DOK3: variants seen among roughly 807,000 people sequenced by gnomAD.
The protein encoded by DOK3 is Dok-like protein.
DOK3 carries 23 observed loss-of-function variants against 26.2 expected under a neutral mutation model. The ratio of observed to expected loss-of-function variants is 0.88; its 90% CI spans 0.63 to 1.24. DOK3 has a LOEUF of 1.24. Ranked by LOEUF, DOK3 falls within the 50% of genes most tolerant of loss-of-function variation. The pLI is 0.00. For missense variants in DOK3, 619 were observed against 610.6 expected, an observed-to-expected ratio of 1.01 and a Z score of -0.15; for synonymous variants, 268 against 268.2, an observed-to-expected ratio of 1.00 and a Z score of 0.01.
In DOK3 at chr5:177,502,826, T is replaced by C. The variant is rs1759482484; in HGVS notation, c.*1157A>G. 7.4e-6 allele frequency: 4 copies of C among 541,534 alleles called. No homozygotes were observed. The highest frequency in any genetic ancestry group is 3.3e-5 in the Admixed American group (1 of 30,066). The allele number at this position is 541,534 out of a possible 1,614,324, so 33.5% of individuals were successfully genotyped here. ...CGGGGACTTTGCCAGACCAGTAAGA[T>C]GAAACGAGAGAGAACAGGGGGAAGG... On this transcript the variant is annotated 3_prime_UTR_variant, in exon 6 of 6. Coordinates refer to ENST00000510898, the MANE Select transcript of DOK3 (RefSeq NM_001308236.3).
chr5:177,510,164 C>G, upstream of DOK3: 1 of 515,510 alleles, frequency 1.9e-6, no homozygotes. Flanking sequence ...CTCTCCCCTT[C>G]CTGGGGTGCA....
chr5:177,509,261 C>G, intron 2 of DOK3: 1 of 554,438 alleles, frequency 1.8e-6, no homozygotes, highest in Non-Finnish European at 3.1e-6. Context: ...CCCATCTCTC[C>G]CGGAGGCAGG....
chr5:177,508,022 G>A (rs934388112), intron 3 of DOK3, among the ~76,000 whole-genome samples: 34 of 152,202 alleles, frequency 2.2e-4, no homozygotes, highest in African/African-American at 8.0e-4. Context: ...GCCTTCCCTG[G>A]CCACCCTGCC....
At chr5:177,507,594 C>T (rs1019136093) in intron 3 of DOK3, among the ~76,000 whole-genome samples, 1 of 152,120 alleles carries the variant, frequency 6.6e-6, no homozygotes, top group African/African-American at 2.4e-5. Flanking sequence ...TTTGTTTGAA[C>T]ACCTGTTCAA....
At chr5:177,508,612 A>G in intron 2 of DOK3, 70 bp from the exon 3 acceptor site, 1 of 1,424,364 alleles carries the variant, frequency 7.0e-7, no homozygotes, top group Non-Finnish European at 9.3e-7. Flanking sequence ...GCTCAGCACA[A>G]GCTGCTCGGC....
rs779292845 is a variant in DOK3 at position 177,504,352 on chromosome 5, G to A, written c.954C>T (p.Asn318=). Residue 318 remains asparagine (N), a synonymous_variant, in exon 6 of 6, where the codon AAC becomes AAT. Transcript: ENST00000510898. ...SLPLLLGPEP[N]DLASGLYASV... is the part of the protein sequence containing the mutation. ...AAGCGTAGAGCCCGGACGCCAGATC[G>A]TTGGGCTCCGGGCCTAGCAGTAGCG... is the stretch of plus-strand genomic sequence containing the variant. The A allele has an allele frequency of 3.1e-5, 49 of 1,579,006 alleles. No homozygotes were observed. Among genetic ancestry groups the A allele is most frequent in the Middle Eastern group, 3.4e-4 (2 of 5,904 alleles).
chr5:177,504,021 C>T lies in DOK3; in HGVS notation c.1285G>A (p.Glu429Lys), dbSNP rs1366695979. ...KAKLVTLLSR[E>K]RRKGPAPCDR... ...CAAGGGGCTGGGCCCTTCCTCCGCT[C>T]ACGACTCAGCAGGGTCACCAGCTTG... The change falls in exon 6 of 6, where the codon GAG (glutamate) becomes AAG (lysine). Residue 429 changes from glutamate (E) to lysine (K), a missense_variant. By Grantham distance (56) the Glu-to-Lys change is moderately conservative. Coordinates refer to ENST00000510898, the MANE Select transcript of DOK3 (RefSeq NM_001308236.3). 6.3e-7 allele frequency: 1 copy of T among 1,575,158 alleles called. No homozygotes were observed.
chr5:177,504,369 G>A lies in DOK3; in HGVS notation c.937C>T (p.Leu313=). The A allele has an allele frequency of 6.4e-7, 1 of 1,569,804 alleles. No homozygotes were observed. The highest frequency in any genetic ancestry group is 8.6e-7 in the Non-Finnish European group (1 of 1,156,270). ...EPGPQSLPLL[L]GPEPNDLASG... is the part of the protein sequence containing the mutation. ...GCCAGATCGTTGGGCTCCGGGCCTA[G>A]CAGTAGCGGCAGGCTCTGGGGTCCG... Residue 313 remains leucine (L), a synonymous_variant, in exon 6 of 6, where the codon CTA becomes TTA. Coordinates refer to ENST00000510898, the MANE Select transcript of DOK3 (RefSeq NM_001308236.3).
In DOK3 at chr5:177,504,540, C is replaced by T. The variant is rs1168020478; in HGVS notation, c.766G>A (p.Glu256Lys). 5 of 1,592,288 alleles carry T rather than the reference C, an allele frequency of 3.1e-6. No homozygotes were observed. The highest frequency in any genetic ancestry group is 1.3e-5 in the African/African-American group (1 of 74,662). ...AVAGAIARQR[E>K]RLPELTRPQP... Reference sequence around the variant, plus strand: ...GGCCTGGTCAGCTCTGGCAGCCGCTCCCGCTGGCGGGCGATGGCCCCGGCC... The same window carrying T: ...GGCCTGGTCAGCTCTGGCAGCCGCTTCCGCTGGCGGGCGATGGCCCCGGCC... The change falls in exon 6 of 6, where the codon GAG (glutamate) becomes AAG (lysine). Residue 256 changes from glutamate to lysine, a missense_variant. Coordinates refer to ENST00000510898, the MANE Select transcript of DOK3 (RefSeq NM_001308236.3).
intron 3 of DOK3, among the ~76,000 whole-genome samples, chr5:177,506,680 CTTTTCTT>C (rs1194072363): frequency 3.5e-5 from 4 of 115,430 alleles, no homozygotes; most frequent in East Asian, 2.6e-4. Context: ...TCTTTTTTTT[CTTTTCTT>C]TTTTTTTTTT....
chr5:177,504,795 T>C lies in DOK3; in HGVS notation c.593A>G (p.Gln198Arg), dbSNP rs888887296. 3.1e-6 allele frequency: 5 copies of C among 1,613,988 alleles called. No homozygotes were observed. The African/African-American group carries it at 4.0e-5, about 13-fold the overall frequency. ...AIQLREAKGT[Q>R]ALYSWPYHFL... Reference sequence around the variant, plus strand: ...GTGGTAGGGCCAGCTGTAGAGGGCCTGGGTGCCCTTGGCCTCCCTCAGCTG... The same window carrying C: ...GTGGTAGGGCCAGCTGTAGAGGGCCCGGGTGCCCTTGGCCTCCCTCAGCTG... The change falls in exon 5 of 6, where the codon CAG (glutamine) becomes CGG (arginine). Residue 198 changes from glutamine to arginine, a missense_variant. Gln to Arg is a conservative substitution (Grantham distance 43). Transcript: ENST00000510898.
Position 177,509,667 on chromosome 5 carries a change from G to A in DOK3, c.-117-10C>T, listed in dbSNP as rs200109521. ...CTCCGTCTAGAGACAGCTGCAGGCC[G>A]GGGGGAGGGGAGCCTGTCTTCAGCT... is the stretch of plus-strand genomic sequence containing the variant. On this transcript the variant is annotated splice_polypyrimidine_tract_variant and intron_variant, in intron 1 of 5. Transcript: ENST00000510898. The A allele has an allele frequency of 4.2e-5, 67 of 1,579,272 alleles. No homozygotes were observed. Among genetic ancestry groups the A allele is most frequent in the African/African-American group, 4.2e-4 (31 of 74,378 alleles).
Position 177,502,862 on chromosome 5 carries a change from A to C in DOK3, c.*1121T>G, listed in dbSNP as rs1759486904. 2 of 598,064 alleles carry C rather than the reference A, an allele frequency of 3.3e-6. No individual in the cohort carries two copies. The highest frequency in any genetic ancestry group is 5.9e-6 in the Non-Finnish European group (2 of 340,536). 37.0% of individuals were successfully genotyped at this position (598,064 alleles called of 1,614,324 possible). On this transcript the variant is annotated 3_prime_UTR_variant, in exon 6 of 6. Transcript: ENST00000510898. ...AGAACAGGGGGAAGGGACTATGGAG[A>C]ACAAAGAGGGGATGGTGGGCAGAGG... is the stretch of plus-strand genomic sequence containing the variant.
Position 177,509,421 on chromosome 5 carries a change from A to C in DOK3, c.66+54T>G, listed in dbSNP as rs116002334. 1.2e-3 allele frequency: 1,821 copies of C among 1,565,296 alleles called. 16 individuals carry two copies. In the African/African-American group the frequency reaches 0.022, roughly 19 times the overall value. ...TGTCCGAGGCAGGGGCAGAGGCTGC[A>C]TTCTCCACCCACTGTTGGTCCTTGG... On this transcript the variant is annotated intron_variant, in intron 2 of 5. Coordinates refer to ENST00000510898, the MANE Select transcript of DOK3 (RefSeq NM_001308236.3).
chr5:177,504,637 G>A lies in DOK3; in HGVS notation c.669C>T (p.Gly223=), dbSNP rs368715100. ...GGCCCTCACCCGAGTGGCAGCGACG[G>A]CCGGCCTCAAAGGAGAACACGCCCT... ...SDKGVFSFEA[G]RRCHSGEGLF... Residue 223 remains glycine, a synonymous_variant, in exon 6 of 6, where the codon GGC becomes GGT. Transcript: ENST00000510898. 1.7e-5 allele frequency: 28 copies of A among 1,612,032 alleles called. No individual in the cohort carries two copies. The highest frequency in any genetic ancestry group is 2.1e-5 in the Non-Finnish European group (25 of 1,179,664).
intron 1 of DOK3, 42 bp downstream of exon 1, chr5:177,509,716 T>G: frequency 6.2e-7 from 1 of 1,609,414 alleles, no homozygotes; most frequent in Non-Finnish European, 8.5e-7. Flanking sequence ...CAGCATGTAT[T>G]TCCTCCCTGG....
chr5:177,506,061 T>C (rs1760117368), intron 3 of DOK3, among the ~76,000 whole-genome samples: 1 of 151,902 alleles, frequency 6.6e-6, no homozygotes, highest in Non-Finnish European at 1.5e-5. Context: ...TAAGTGATTC[T>C]CCTGCCTCAG....
chr5:177,508,306 C>A lies in DOK3; in HGVS notation c.303G>T (p.Glu101Asp). ...DTGAFLLTTT[E>D]RSHLLAAQHR... Reference sequence around the variant, plus strand: ...GCTGAGCAGCCAGTAGATGGCTTCGCTCGGTGGTGGTGAGCAGGAAGGCAC... The same window carrying A: ...GCTGAGCAGCCAGTAGATGGCTTCGATCGGTGGTGGTGAGCAGGAAGGCAC... The change falls in exon 3 of 6, where the codon GAG becomes GAT. Residue 101 changes from glutamate (E) to aspartate (D), a missense_variant. Physicochemically the swap from Glu to Asp is conservative, Grantham distance 45 (BLOSUM62 2). Transcript: ENST00000510898. The A allele has an allele frequency of 6.3e-7, 1 of 1,584,268 alleles. No individual in the cohort carries two copies.
chr5:177,504,509 G>T lies in DOK3; in HGVS notation c.797C>A (p.Pro266His). Residue 266 changes from proline to histidine, a missense_variant, in exon 6 of 6, where the codon CCC becomes CAC. Physicochemically the swap from Pro to His is moderately conservative, Grantham distance 77. Transcript: ENST00000510898. ...AGAGGTGGCCCGTGGCAGGGGGCAG[G>T]GCTGGGGCCTGGTCAGCTCTGGCAG... ...ERLPELTRPQ[P>H]CPLPRATSLP... The T allele has an allele frequency of 6.3e-7, 1 of 1,590,278 alleles. No individual in the cohort carries two copies.
Sources: allele counts gnomAD v4.1 joint callset (sites outside exome capture counted in the v4.1 genomes callset), GRCh38; gene constraint gnomAD v4.1.1; transcripts MANE v1.5; gene names NCBI Gene and HGNC (gene_info 2026-07-23, HGNC 2026-07-21).